The following BNC2 variants were observed in gnomAD, a reference collection of about 807,000 sequenced individuals.
BNC2 encodes zinc finger protein basonuclin-2.
BNC2 carries 20 observed loss-of-function variants against 76.3 expected under a neutral mutation model. The ratio of observed to expected loss-of-function variants is 0.26; its 90% confidence interval spans 0.18 to 0.38. BNC2 has a LOEUF of 0.38. Among genes scored for constraint, BNC2 ranks in the 10% least tolerant of loss-of-function variants. The pLI is 1.00. For synonymous variants in BNC2, 582 were observed against 514.8 expected, an observed-to-expected ratio of 1.13 and a Z score of -1.77; for missense variants, 1,382 against 1,399.8, an observed-to-expected ratio of 0.99 and a Z score of 0.20.
At chr9:16,815,612 T>C (rs143182075) in intron 1 of BNC2, among the ~76,000 whole-genome samples, 17 of 152,290 alleles carry the variant, frequency 1.1e-4, no homozygotes, top group African/African-American at 4.1e-4. Flanking sequence ...ATTTTGGACA[T>C]AACACAATCC....
chr9:16,832,273 T>C (rs1818593698), intron 1 of BNC2: 3 of 1,285,130 alleles, frequency 2.3e-6, no homozygotes, highest in African/African-American at 1.5e-5. Flanking sequence ...GAAGGTTCTT[T>C]GACGTCATCA....
intron 1 of BNC2, among the ~76,000 whole-genome samples, chr9:16,748,701 G>A (rs569218148): frequency 2.2e-4 from 33 of 151,532 alleles, no homozygotes; most frequent in Middle Eastern, 3.4e-3. Context: ...AAATTAGCCA[G>A]GCATGGTGGC....
In BNC2 at chr9:16,416,121, G is replaced by A. The variant is rs1214146776; in HGVS notation, c.*2868C>T. 2.6e-5 allele frequency: 4 copies of A among 152,160 alleles called. No homozygotes were observed. Among genetic ancestry groups the A allele is most frequent in the African/African-American group, 9.7e-5 (4 of 41,442 alleles). 9.4% of individuals were successfully genotyped at this position (152,160 alleles called of 1,614,324 possible). ...GCCGACAGCTATGTAATTCACTCAC[G>A]AGGGCTATCTGACCTTTTATTTGAC... On this transcript the variant is annotated 3_prime_UTR_variant, in exon 7 of 7. Transcript: ENST00000380672.
intron 5 of BNC2, among the ~76,000 whole-genome samples, chr9:16,461,630 C>T (rs750063886): frequency 1.3e-5 from 2 of 151,936 alleles, no homozygotes; most frequent in African/African-American, 4.8e-5. Context: ...AAGGAGGTTT[C>T]GGGTATCACA....
At chr9:16,813,802 T>C (rs1221243799) in intron 1 of BNC2, among the ~76,000 whole-genome samples, 2 of 152,152 alleles carry the variant, frequency 1.3e-5, no homozygotes, top group African/African-American at 4.8e-5. Context: ...ACTTGGTTGG[T>C]TTTTTGTTTT....
chr9:16,494,078 C>A (rs1822335021), intron 5 of BNC2, among the ~76,000 whole-genome samples: 1 of 152,154 alleles, frequency 6.6e-6, no homozygotes, highest in African/African-American at 2.4e-5. Context: ...CAAACCCCTA[C>A]CCTGGTGGAG....
intron 1 of BNC2, among the ~76,000 whole-genome samples, chr9:16,851,918 T>C (rs764902243): frequency 2.0e-5 from 3 of 152,196 alleles, no homozygotes; most frequent in Non-Finnish European, 2.9e-5. Context: ...AAGAGACTTG[T>C]AAATTCCACC....
intron 3 of BNC2, among the ~76,000 whole-genome samples, chr9:16,585,723 A>C (rs892138108): frequency 6.6e-6 from 1 of 152,176 alleles, no homozygotes; most frequent in African/African-American, 2.4e-5. Flanking sequence ...AGTTATCATA[A>C]AACTATCAAA....
chr9:16,738,436 T>A lies in BNC2; in HGVS notation c.53A>T (p.Glu18Val). 6.2e-7 allele frequency: 1 copy of A among 1,614,092 alleles called. No homozygotes were observed. Among genetic ancestry groups the A allele is most frequent in the Non-Finnish European group, 8.5e-7 (1 of 1,179,964 alleles). Residue 18 changes from glutamate (E) to valine (V), a missense_variant, in exon 2 of 7, where the codon GAG (glutamate) becomes GTG (valine). By Grantham distance (121) the Glu-to-Val change is moderately radical. Transcript: ENST00000380672. ...PPPHSLNYKS[E>V]DRLSEQDWPA... ...CCAGTCTTGCTCACTAAGCCTGTCC[T>A]CTGATTTGTAATTAAGGCTATGTGG...
At chr9:16,845,178 T>TCA (rs1252506522) in intron 1 of BNC2, among the ~76,000 whole-genome samples, 3 of 152,212 alleles carry the variant, frequency 2.0e-5, no homozygotes, top group African/African-American at 7.2e-5. Context: ...AGGCAGCCTA[T>TCA]CAGTGTAAAT....
In BNC2 at chr9:16,819,790, T is replaced by C. The variant is rs575164063; in HGVS notation, c.3+50856A>G. Among the ~76,000 whole-genome samples, 8 of 151,926 alleles carry C rather than the reference T, an allele frequency of 5.3e-5. No individual in the cohort carries two copies. In the East Asian group the frequency reaches 1.5e-3, roughly 29 times the overall value. On this transcript the variant is annotated intron_variant, in intron 1 of 6. Transcript: ENST00000380672. ...CTCTGAAAATATCATCTCATTTAAT[T>C]TCCACAACTCTGTGAGATATGTATT...
intron 1 of BNC2, among the ~76,000 whole-genome samples, chr9:16,757,765 T>C (rs1825428142): frequency 1.3e-5 from 2 of 152,046 alleles, no homozygotes; most frequent in South Asian, 4.1e-4. Flanking sequence ...TCAAGTTCGT[T>C]CTGTTATTTA....
chr9:16,784,518 G>A (rs1826231065), intron 1 of BNC2, among the ~76,000 whole-genome samples: 1 of 152,114 alleles, frequency 6.6e-6, no homozygotes, highest in Non-Finnish European at 1.5e-5. Context: ...TCAAAAGAGT[G>A]TCAGAAAGAG....
intron 5 of BNC2, among the ~76,000 whole-genome samples, chr9:16,467,598 C>T (rs571655588): frequency 2.4e-4 from 34 of 140,692 alleles, no homozygotes; most frequent in African/African-American, 8.1e-4. Flanking sequence ...AACCAAACAC[C>T]GCATATTCTC....
intron 5 of BNC2, among the ~76,000 whole-genome samples, chr9:16,491,418 G>A (rs1043889532): frequency 6.6e-6 from 1 of 152,158 alleles, no homozygotes; most frequent in Non-Finnish European, 1.5e-5. Flanking sequence ...ATCTGGTAAT[G>A]ACAAAACTTA....
At chr9:16,512,805 A>G (rs1822789661) in intron 5 of BNC2, among the ~76,000 whole-genome samples, 1 of 152,132 alleles carries the variant, frequency 6.6e-6, no homozygotes, top group Non-Finnish European at 1.5e-5. Flanking sequence ...ACTGGCATAA[A>G]GCATAACTTT....
chr9:16,599,743 A>C (rs1820193200), intron 3 of BNC2, among the ~76,000 whole-genome samples: 1 of 152,248 alleles, frequency 6.6e-6, no homozygotes, highest in Non-Finnish European at 1.5e-5. Flanking sequence ...AGATCACGCC[A>C]CTGCACTCCC....
chr9:16,547,967 C>T (rs1041006510), intron 5 of BNC2, among the ~76,000 whole-genome samples: 4 of 152,116 alleles, frequency 2.6e-5, no homozygotes, highest in South Asian at 2.1e-4. Context: ...CTCTAAAAGA[C>T]GGATGGCCCC....
chr9:16,638,861 G>T (rs959087199), intron 3 of BNC2, among the ~76,000 whole-genome samples: 5 of 152,050 alleles, frequency 3.3e-5, no homozygotes, highest in South Asian at 2.1e-4. Flanking sequence ...CACTGGATAG[G>T]ATTTATGATT....
Sources: gnomAD v4.1 joint callset for allele counts (sites outside exome capture counted in the v4.1 genomes callset) on GRCh38, gnomAD v4.1.1 for gene constraint, MANE v1.5 for transcripts, NCBI Gene and HGNC (gene_info 2026-07-23, HGNC 2026-07-21) for gene names.